The following ABCA12 variants were observed in gnomAD, a reference collection of about 807,000 sequenced individuals.
ABCA12 encodes the protein glucosylceramide transporter ABCA12.
A neutral mutation model predicts 293.5 loss-of-function variants in ABCA12; 156 were observed. The observed-to-expected ratio is 0.53, with a 90% CI of 0.47 to 0.61. The LOEUF is 0.61. ABCA12 is among the 20% of genes least tolerant of loss of function. The pLI is 0.00. For synonymous variants in ABCA12, 1,063 were observed against 1,108.0 expected (o/e 0.96, Z 0.81); for missense variants, 2,797 against 3,090.2 (o/e 0.91, Z 2.25).
At position 215,138,241 on chromosome 2, in the gene ABCA12, T is replaced by C; in HGVS notation, c.-33A>G. ...ATGCCCCAAATGAGAGATTTCCTCT[T>C]CTTTTCTCCACTCCACAAATGAAGA... On this transcript the variant is annotated 5_prime_UTR_variant, in exon 1 of 53. Transcript: ENST00000272895. 3 of 1,608,286 alleles carry C rather than the reference T, an allele frequency of 1.9e-6. No individual in the cohort carries two copies. Among genetic ancestry groups the C allele is most frequent in the Non-Finnish European group, 1.7e-6 (2 of 1,174,766 alleles).
intron 8 of ABCA12, 37 bp downstream of exon 8, chr2:215,036,916 A>G: frequency 1.3e-6 from 2 of 1,561,356 alleles, no homozygotes. Flanking sequence ...GGGCTTTGTG[A>G]CACTGAATTT....
chr2:215,012,610 G>A (rs1700402165), intron 15 of ABCA12, among the ~76,000 whole-genome samples: 1 of 152,134 alleles, frequency 6.6e-6, no homozygotes, highest in Non-Finnish European at 1.5e-5. Context: ...ACAGAAAATA[G>A]ATTAGAAGTT....
At chr2:215,012,221 C>A in intron 15 of ABCA12, 86 bp from the exon 16 acceptor site, 11 of 1,261,160 alleles carry the variant, frequency 8.7e-6, no homozygotes, top group Middle Eastern at 2.5e-4. Context: ...AAAGGTACAG[C>A]CACTTTGGAA....
chr2:215,038,384 T>G (rs1701031765), intron 7 of ABCA12, among the ~76,000 whole-genome samples: 1 of 152,204 alleles, frequency 6.6e-6, no homozygotes, highest in Non-Finnish European at 1.5e-5. Context: ...AAAGTTTATG[T>G]TCTATCCACT....
intron 2 of ABCA12, chr2:215,075,574 C>T: frequency 1.4e-6 from 1 of 698,624 alleles, no homozygotes; most frequent in South Asian, 1.5e-5. Flanking sequence ...AAAAAAAAAT[C>T]TGGGCCATCC....
intron 9 of ABCA12, among the ~76,000 whole-genome samples, chr2:215,028,063 T>C (rs535399083): frequency 6.6e-6 from 1 of 152,356 alleles, no homozygotes; most frequent in Non-Finnish European, 1.5e-5. Context: ...GTGTCTACTA[T>C]TGAATTTTAT....
In ABCA12 at chr2:214,992,516, C is replaced by CG. The variant is rs1160008983; in HGVS notation, c.3295-1486_3295-1485insC. Among the ~76,000 whole-genome samples, 3 of 53,776 alleles carry CG rather than the reference C, an allele frequency of 5.6e-5. 1 individual carries two copies. The highest frequency in any genetic ancestry group is 2.3e-3 in the South Asian group (2 of 854). 35.3% of individuals were successfully genotyped at this position (53,776 alleles called of 152,430 possible). A position where few individuals can be genotyped will look rare whatever the true frequency, so the allele number is the denominator to read the frequency against. On this transcript the variant is annotated intron_variant, in intron 23 of 52. Transcript: ENST00000272895. ...ATGTTAAGCCTATCAACCTAGTATCCCCCCCCTTTTTTTTTTTTTTTTTTT... is the reference window on the plus strand; with the variant it reads ...ATGTTAAGCCTATCAACCTAGTATCCGCCCCCCTTTTTTTTTTTTTTTTTTT...
chr2:215,065,321 A>AAAAG, intron 2 of ABCA12, among the ~76,000 whole-genome samples: 1 of 150,040 alleles, frequency 6.7e-6, no homozygotes, highest in Non-Finnish European at 1.5e-5. Context: ...AAAAAAAAAA[A>AAAAG]AAAAAGAGTG....
intron 11 of ABCA12, among the ~76,000 whole-genome samples, chr2:215,024,856 A>G (rs1292926629): frequency 1.3e-5 from 2 of 152,214 alleles, no homozygotes; most frequent in African/African-American, 4.8e-5. Flanking sequence ...AAATTTCATG[A>G]TAACCTGTAT....
At chr2:215,073,472 C>T (rs998168878) in intron 2 of ABCA12, among the ~76,000 whole-genome samples, 6 of 152,038 alleles carry the variant, frequency 3.9e-5, no homozygotes, top group African/African-American at 1.4e-4. Context: ...GCTGGGTACG[C>T]ATACACTGGG....
rs145073937 is a variant in ABCA12, at chr2:215,138,205, C to A, written c.4G>T (p.Ala2Ser). 8 of 1,613,952 alleles carry A rather than the reference C, an allele frequency of 5.0e-6. No individual in the cohort carries two copies. Among genetic ancestry groups the A allele is most frequent in the Non-Finnish European group, 6.8e-6 (8 of 1,179,990 alleles). M[A>S]SLFHQLQILV... ...ATCTGAAGCTGATGAAACAGGGAAGCCATCCTTCAAATGCCCCAAATGAGA... is the reference window on the plus strand; with the variant it reads ...ATCTGAAGCTGATGAAACAGGGAAGACATCCTTCAAATGCCCCAAATGAGA... The change falls in exon 1 of 53, where the codon GCT becomes TCT. Residue 2 changes from alanine to serine, a missense_variant. Transcript: ENST00000272895.
At chr2:214,951,893 C>T (rs1223810307) in intron 44 of ABCA12, among the ~76,000 whole-genome samples, 1 of 151,806 alleles carries the variant, frequency 6.6e-6, no homozygotes, top group African/African-American at 2.4e-5. Context: ...AATATTGTAC[C>T]GCAGATATAT....
chr2:215,089,264 A>T (rs1400873542), intron 2 of ABCA12, among the ~76,000 whole-genome samples: 1 of 151,446 alleles, frequency 6.6e-6, no homozygotes. Flanking sequence ...CCTTGCTTAC[A>T]GTTTCATGAG....
chr2:214,956,691 C>G lies in ABCA12; in HGVS notation c.6205G>C (p.Ala2069Pro). Residue 2069 changes from alanine (A) to proline (P), a missense_variant, in exon 42 of 53, where the codon GCT becomes CCT. Around this residue, in one of 3 missense-constraint regions of ABCA12, gnomAD observed 2,130 missense variants for 2,427.0 expected, o/e 0.88. Transcript: ENST00000272895. ...AACAGGAGAAGTAGGAGAGATACAG[C>G]GCCTAGGTTGTTTTCACTGTAGAAT... ...PAFYSENNLG[A>P]VSLLLLLFGY... The G allele has an allele frequency of 6.2e-7, 1 of 1,613,416 alleles. No homozygotes were observed. Among genetic ancestry groups the G allele is most frequent in the South Asian group, 1.1e-5 (1 of 91,054 alleles).
chr2:215,086,919 T>TTCATCATTATTATTA (rs1425030663), intron 2 of ABCA12, among the ~76,000 whole-genome samples: 1 of 151,098 alleles, frequency 6.6e-6, no homozygotes, highest in African/African-American at 2.5e-5. Flanking sequence ...TAACTACCAG[T>TTCATCATTATTATTA]TTATTATTAT....
intron 5 of ABCA12, chr2:215,050,875 G>A (rs1417612279): frequency 2.2e-6 from 2 of 928,438 alleles, no homozygotes; most frequent in African/African-American, 3.6e-5. Flanking sequence ...AGAGATTGCT[G>A]ACATAGGCAT....
rs372492812 is a variant in ABCA12, at chr2:214,972,492, G to C, written c.5562+1457C>G. Among the ~76,000 whole-genome samples, 27 of 151,662 alleles carry C rather than the reference G, an allele frequency of 1.8e-4. No homozygotes were observed. In the South Asian group the frequency reaches 4.2e-3, roughly 23 times the overall value. On this transcript the variant is annotated intron_variant, in intron 36 of 52. Coordinates refer to ENST00000272895, the MANE Select transcript of ABCA12 (RefSeq NM_173076.3). The stretch of plus-strand genomic sequence containing the variant: ...GGTGCAATCACAGCACTGCAGCCTT[G>C]ACCCCGTGGGCTCAAGCCATCGTCC...
At chr2:214,958,901 A>C in intron 40 of ABCA12, 123 bp downstream of exon 40, 1 of 1,084,464 alleles carries the variant, frequency 9.2e-7, no homozygotes, top group Non-Finnish European at 1.4e-6. Flanking sequence ...AGTCAGTGAC[A>C]TATTACCAGC....
chr2:215,096,945 A>T (rs925430809), intron 2 of ABCA12, among the ~76,000 whole-genome samples: 1 of 152,166 alleles, frequency 6.6e-6, no homozygotes, highest in African/African-American at 2.4e-5. Flanking sequence ...AAAAGGGGGC[A>T]TTTCCTTAAC....
Sources: gnomAD v4.1 joint callset for allele counts (sites outside exome capture counted in the v4.1 genomes callset) on GRCh38, gnomAD v4.1.1 for gene constraint, gnomAD v4.1.1 regional missense constraint, MANE v1.5 for transcripts, NCBI Gene and HGNC (gene_info 2026-07-23, HGNC 2026-07-21) for gene names.